Variants in ANKRD55 observed in about 807,000 individuals in gnomAD.
ANKRD55 encodes the protein ankyrin repeat domain 55, also known as ankyrin repeat domain-containing protein 55.
Under a neutral mutation model 60.6 loss-of-function variants are expected in ANKRD55, and 41 were observed. The observed-to-expected ratio is 0.68, with a 90% CI of 0.53 to 0.88. The LOEUF (loss-of-function observed/expected upper bound fraction) is 0.88, where lower values mean the gene tolerates loss of function less well. Ranked by LOEUF, ANKRD55 falls within the 40% of genes least tolerant of loss-of-function variation. ANKRD55 has a pLI of 0.00. For missense variants in ANKRD55, 732 were observed against 767.6 expected, an observed-to-expected ratio of 0.95 and a Z score of 0.55; for synonymous variants, 264 against 290.3, an observed-to-expected ratio of 0.91 and a Z score of 0.92.
intron 5 of ANKRD55, among the ~76,000 whole-genome samples, chr5:56,165,957 G>A (rs115884700): frequency 0.011 from 1,668 of 152,158 alleles, 29 homozygotes; most frequent in African/African-American, 0.038. Context: ...TTATTTCAAG[G>A]GGAAGCTGAG....
chr5:56,215,640 A>T (rs1222109507), intron 2 of ANKRD55, among the ~76,000 whole-genome samples: 1 of 152,102 alleles, frequency 6.6e-6, no homozygotes, highest in Admixed American at 6.5e-5. Flanking sequence ...TATGAAGAGG[A>T]GTGTGGGAGG....
chr5:56,117,263 A>T (rs1756910842), intron 8 of ANKRD55, among the ~76,000 whole-genome samples: 2 of 152,084 alleles, frequency 1.3e-5, no homozygotes, highest in East Asian at 3.8e-4. Flanking sequence ...GAACTTTTGA[A>T]ATATAAGTTT....
chr5:56,141,089 A>ATGTG (rs564513414), intron 7 of ANKRD55, among the ~76,000 whole-genome samples: 1 of 145,574 alleles, frequency 6.9e-6, no homozygotes, highest in Admixed American at 6.9e-5. Context: ...CTATATATAT[A>ATGTG]TGTGTGTGTG....
At chr5:56,152,085 G>T (rs1237758628) in intron 6 of ANKRD55, among the ~76,000 whole-genome samples, 2 of 75,612 alleles carry the variant, frequency 2.6e-5, no homozygotes, top group Non-Finnish European at 5.5e-5. Flanking sequence ...GGAGAGGGAG[G>T]TGGGGGCTCC....
intron 4 of ANKRD55, among the ~76,000 whole-genome samples, chr5:56,174,542 C>T (rs1261954860): frequency 6.6e-6 from 1 of 152,206 alleles, no homozygotes; most frequent in Non-Finnish European, 1.5e-5. Context: ...GGCTAATATG[C>T]ACAGACCAGT....
At chr5:56,118,310 T>C (rs1756937887) in intron 8 of ANKRD55, among the ~76,000 whole-genome samples, 1 of 152,176 alleles carries the variant, frequency 6.6e-6, no homozygotes, top group Non-Finnish European at 1.5e-5. Context: ...GTATTACTAA[T>C]ACTGGTAATT....
chr5:56,168,455 C>T (rs536627406), intron 5 of ANKRD55, among the ~76,000 whole-genome samples: 1 of 152,292 alleles, frequency 6.6e-6, no homozygotes, highest in South Asian at 2.1e-4. Context: ...ACTGTGTTCA[C>T]ATTACTCTTA....
At chr5:56,166,106 C>CTTTCTTTCTTCTTTCTT (rs1758451443) in intron 5 of ANKRD55, among the ~76,000 whole-genome samples, 1 of 54,394 alleles carries the variant, frequency 1.8e-5, no homozygotes, top group Non-Finnish European at 3.8e-5. Flanking sequence ...TTCTTTCTTT[C>CTTTCTTTCTTCTTTCTT]TTTCTTTCTT....
rs1759680778 is a variant in ANKRD55 at position 56,211,826 on chromosome 5, A to C, written c.58+21030T>G. Reference sequence around the variant, plus strand: ...AAAAATAACCTTTAAATATTAACCCAAAATTGGAAGCACACCTGTGAACAA... The same window carrying C: ...AAAAATAACCTTTAAATATTAACCCCAAATTGGAAGCACACCTGTGAACAA... On this transcript the variant is annotated intron_variant, in intron 2 of 11. Coordinates refer to ENST00000341048, the MANE Select transcript of ANKRD55 (RefSeq NM_024669.3). 2.0e-5 allele frequency among the ~76,000 whole-genome samples: 3 copies of C among 152,228 alleles called. No homozygotes were observed. The South Asian group carries it at 6.2e-4, about 32-fold the overall frequency.
intron 2 of ANKRD55, among the ~76,000 whole-genome samples, chr5:56,201,465 A>G (rs1759378566): frequency 6.6e-6 from 1 of 152,262 alleles, no homozygotes; most frequent in South Asian, 2.1e-4. Context: ...ATATCAGGTG[A>G]CACAAAGCAT....
intron 2 of ANKRD55, among the ~76,000 whole-genome samples, chr5:56,226,075 C>A (rs1439275486): frequency 2.0e-5 from 3 of 152,214 alleles, no homozygotes; most frequent in Non-Finnish European, 4.4e-5. Flanking sequence ...TACCTGACTT[C>A]AATCTATACT....
chr5:56,197,106 GC>G (rs1027363341), intron 2 of ANKRD55, among the ~76,000 whole-genome samples: 3 of 152,116 alleles, frequency 2.0e-5, no homozygotes, highest in Non-Finnish European at 4.4e-5. Flanking sequence ...GAAGATTACT[GC>G]CCCATTATTA....
chr5:56,176,446 T>C (rs891472087), intron 3 of ANKRD55, among the ~76,000 whole-genome samples, 164 bp from the exon 4 acceptor site: 1 of 152,236 alleles, frequency 6.6e-6, no homozygotes, highest in African/African-American at 2.4e-5. Context: ...CTCTATAAAC[T>C]ATGTATTTTT....
intron 6 of ANKRD55, among the ~76,000 whole-genome samples, chr5:56,151,814 GA>G (rs35624717): frequency 5.7e-4 from 69 of 120,336 alleles, no homozygotes; most frequent in African/African-American, 1.4e-3. Context: ...CCACATCTCG[GA>G]AAAAAAAAAA....
At chr5:56,108,813 C>T (rs1457056904) in intron 10 of ANKRD55, among the ~76,000 whole-genome samples, 12 of 152,042 alleles carry the variant, frequency 7.9e-5, no homozygotes, top group Admixed American at 3.9e-4. Context: ...CCGAGGCGGA[C>T]GGATCACGAG....
At chr5:56,192,744 A>T (rs1366904814) in intron 2 of ANKRD55, 2 of 1,312,470 alleles carry the variant, frequency 1.5e-6, no homozygotes, top group South Asian at 2.5e-5. Context: ...ATGAACTTCA[A>T]TGCAGATTCT....
chr5:56,182,474 AT>A (rs949737644), intron 3 of ANKRD55, among the ~76,000 whole-genome samples: 9 of 151,560 alleles, frequency 5.9e-5, no homozygotes, highest in African/African-American at 2.2e-4. Flanking sequence ...GAGACTTTCT[AT>A]TTTTTTCTTT....
At chr5:56,157,261 A>C (rs200717650) in intron 6 of ANKRD55, among the ~76,000 whole-genome samples, 2 of 150,794 alleles carry the variant, frequency 1.3e-5, no homozygotes, top group African/African-American at 4.9e-5. Context: ...CCACTCCCTA[A>C]TCTCAAGTAC....
rs1340861043 is a variant in ANKRD55, at chr5:56,111,291, C to T, written c.1457G>A (p.Cys486Tyr). Residue 486 changes from cysteine (C) to tyrosine (Y), a missense_variant, in exon 10 of 12, where the codon TGC becomes TAC. Coordinates refer to ENST00000341048, the MANE Select transcript of ANKRD55 (RefSeq NM_024669.3). The part of the protein sequence containing the change: ...EQDLLNNRTG[C>Y]QMLLDNPWKS... ...CCAGGGGTTATCTAGTAACATCTGGCAGCCAGTTCTGTTATTTAATAAATC... is the reference window on the plus strand; with the variant it reads ...CCAGGGGTTATCTAGTAACATCTGGTAGCCAGTTCTGTTATTTAATAAATC... The T allele has an allele frequency of 6.2e-7, 1 of 1,614,154 alleles. No homozygotes were observed. The highest frequency in any genetic ancestry group is 8.5e-7 in the Non-Finnish European group (1 of 1,180,028).
Sources: gnomAD v4.1 joint callset for allele counts (sites outside exome capture counted in the v4.1 genomes callset) on GRCh38, gnomAD v4.1.1 for gene constraint, MANE v1.5 for transcripts, NCBI Gene and HGNC (gene_info 2026-07-23, HGNC 2026-07-21) for gene names.